Variants in PDE4D observed in about 807,000 individuals in gnomAD.
PDE4D encodes the protein phosphodiesterase 4D.
Under a neutral mutation model 87.4 loss-of-function variants are expected in PDE4D, and 24 were observed. The observed-to-expected ratio is 0.27, with a 90% CI of 0.20 to 0.39. The LOEUF (loss-of-function observed/expected upper bound fraction) is 0.39. PDE4D is among the 10% of genes least tolerant of loss of function. PDE4D has a pLI of 1.00. For missense variants in PDE4D, 714 were observed against 1,041.0 expected (o/e 0.69, Z 4.32); for synonymous variants, 384 against 383.2 (o/e 1.00, Z -0.02).
chr5:59,893,706 T>TGCCGCC lies in PDE4D; in HGVS notation c.-90_-85dup, dbSNP rs1412781542. 2.0e-5 allele frequency: 28 copies of TGCCGCC among 1,370,754 alleles called. No individual in the cohort carries two copies. Among genetic ancestry groups the TGCCGCC allele is most frequent in the Admixed American group, 2.0e-4 (5 of 24,940 alleles). 84.9% of individuals were successfully genotyped at this position (1,370,754 alleles called of 1,614,324 possible). A position where few individuals can be genotyped will look rare whatever the true frequency, so the allele number is the denominator to read the frequency against. On this transcript the variant is annotated 5_prime_UTR_variant, in exon 1 of 15. Coordinates refer to ENST00000340635, the MANE Select transcript of PDE4D (RefSeq NM_001104631.2). ...GCCTTCCTGATGCTGCTGCTGCTGC[T>TGCCGCC]GCCGCCGCCGCCGCTTCTGCAGCCC...
At chr5:59,244,680 C>CTGTGTGTGTGTGTGTG (rs369829189) in intron 1 of PDE4D, among the ~76,000 whole-genome samples, 3 of 120,054 alleles carry the variant, frequency 2.5e-5, no homozygotes, top group African/African-American at 9.9e-5. Flanking sequence ...GTGTGTGTGT[C>CTGTGTGTGTGTGTGTG]TGTGTGTGTG....
chr5:60,479,802 C>T (rs1041642432), intron 1 of PDE4D, among the ~76,000 whole-genome samples: 2 of 152,180 alleles, frequency 1.3e-5, no homozygotes, highest in African/African-American at 4.8e-5. Context: ...CCAACCCTTG[C>T]TCTAAAACAT....
At chr5:59,462,937 T>C (rs570803215) in intron 1 of PDE4D, among the ~76,000 whole-genome samples, 2 of 152,268 alleles carry the variant, frequency 1.3e-5, no homozygotes, top group Admixed American at 1.3e-4. Flanking sequence ...TTTTCTTTTA[T>C]CATTAAGTAT....
chr5:59,713,746 C>T lies in PDE4D; in HGVS notation c.455+179422G>A, dbSNP rs1320969842. ...GCAGTAGATGGGTACCCCACGAGCA[C>T]GGAGAAAGCACTGAAGCAGCTGGAA... On this transcript the variant is annotated intron_variant, in intron 1 of 14. Coordinates refer to ENST00000340635, the MANE Select transcript of PDE4D (RefSeq NM_001104631.2). Among the ~76,000 whole-genome samples the T allele has an allele frequency of 4.6e-5, 7 of 152,182 alleles. No homozygotes were observed. In the East Asian group the frequency reaches 1.2e-3, roughly 25 times the overall value.
chr5:59,433,759 T>C (rs1186940935), intron 1 of PDE4D, among the ~76,000 whole-genome samples: 1 of 151,986 alleles, frequency 6.6e-6, no homozygotes, highest in East Asian at 1.9e-4. Flanking sequence ...GATTCTATGC[T>C]CTTGAGAACA....
rs56356290 is a variant in PDE4D at position 59,075,500 on chromosome 5, CA to C, written c.809-36530del. Among the ~76,000 whole-genome samples, 34 of 149,144 alleles carry C rather than the reference CA, an allele frequency of 2.3e-4. 2 individuals carry two copies. In the East Asian group the frequency reaches 6.1e-3, roughly 27 times the overall value. On this transcript the variant is annotated intron_variant, in intron 5 of 14. Transcript: ENST00000340635. Reference sequence around the variant, plus strand: ...AAATCATTGGTATGCACATTTGTTGCAAAAAAAAACCTCATTCTGGAAAATG... The same window carrying C: ...AAATCATTGGTATGCACATTTGTTGCAAAAAAAACCTCATTCTGGAAAATG...
chr5:59,058,340 G>T (rs1762642933), intron 5 of PDE4D, among the ~76,000 whole-genome samples: 1 of 152,108 alleles, frequency 6.6e-6, no homozygotes, highest in Non-Finnish European at 1.5e-5. Context: ...CTAAGAGAGT[G>T]ACTGTTCTCC....
At chr5:59,157,184 TAGAA>T in intron 5 of PDE4D, 1 of 613,042 alleles carries the variant, frequency 1.6e-6, no homozygotes, top group Non-Finnish European at 2.9e-6. Flanking sequence ...TCTGAAGGGT[TAGAA>T]TTTCCACCAG....
chr5:60,204,463 A>G (rs942214067), intron 1 of PDE4D, among the ~76,000 whole-genome samples: 2 of 151,540 alleles, frequency 1.3e-5, no homozygotes, highest in East Asian at 3.9e-4. Flanking sequence ...AAGCAAGCAG[A>G]TATTTGTTGA....
rs147807461 is a variant in PDE4D, at chr5:59,080,277, C to T, written c.809-41306G>A. ...TTGAAACACAAATAAGTGTGATGAACGTGACCCTGGCACTCTGTAGCCCTC... is the reference window on the plus strand; with the variant it reads ...TTGAAACACAAATAAGTGTGATGAATGTGACCCTGGCACTCTGTAGCCCTC... On this transcript the variant is annotated intron_variant, in intron 5 of 14. Coordinates refer to ENST00000340635, the MANE Select transcript of PDE4D (RefSeq NM_001104631.2). 1.4e-3 allele frequency among the ~76,000 whole-genome samples: 207 copies of T among 152,290 alleles called. 2 individuals carry two copies. The highest frequency in any genetic ancestry group is 0.012 in the Admixed American group (179 of 15,294).
chr5:60,341,380 C>A (rs1042371822), intron 1 of PDE4D, among the ~76,000 whole-genome samples: 1 of 152,136 alleles, frequency 6.6e-6, no homozygotes, highest in African/African-American at 2.4e-5. Flanking sequence ...TGTGACCATG[C>A]CCTTTCACAG....
chr5:60,116,175 A>G (rs1018220135), intron 2 of PDE4D, among the ~76,000 whole-genome samples: 2 of 152,016 alleles, frequency 1.3e-5, no homozygotes, highest in Admixed American at 1.3e-4. Flanking sequence ...CAAACGATGG[A>G]TTATAGTGAG....
intron 1 of PDE4D, among the ~76,000 whole-genome samples, chr5:60,206,760 T>C (rs745798464): frequency 1.3e-5 from 2 of 152,226 alleles, no homozygotes; most frequent in Non-Finnish European, 2.9e-5. Flanking sequence ...CTATACAGGA[T>C]GAAAAGCCAA....
intron 2 of PDE4D, among the ~76,000 whole-genome samples, chr5:59,202,840 C>T (rs1324006309): frequency 6.6e-6 from 1 of 152,184 alleles, no homozygotes; most frequent in Middle Eastern, 3.2e-3. Flanking sequence ...CCAGTTAAAC[C>T]TCTTCCTTTT....
intron 1 of PDE4D, among the ~76,000 whole-genome samples, chr5:59,254,674 T>C (rs1343405686): frequency 6.6e-6 from 1 of 152,136 alleles, no homozygotes; most frequent in East Asian, 1.9e-4. Context: ...AAATTTTCAA[T>C]TGAAAAATTA....
intron 1 of PDE4D, among the ~76,000 whole-genome samples, chr5:60,269,217 G>A (rs1313919709): frequency 6.6e-6 from 1 of 152,200 alleles, no homozygotes; most frequent in East Asian, 1.9e-4. Context: ...CGAGGTAGGA[G>A]AATCGCTTGA....
chr5:59,654,347 A>T (rs1171210115), intron 1 of PDE4D, among the ~76,000 whole-genome samples: 2 of 152,190 alleles, frequency 1.3e-5, no homozygotes, highest in Non-Finnish European at 2.9e-5. Flanking sequence ...TATACAAAAG[A>T]GTTGAGAGTT....
At chr5:60,326,147 T>C (rs1183054209) in intron 1 of PDE4D, among the ~76,000 whole-genome samples, 2 of 152,134 alleles carry the variant, frequency 1.3e-5, no homozygotes, top group East Asian at 3.8e-4. Flanking sequence ...GGTTTTTCTG[T>C]GAACACAGAA....
intron 1 of PDE4D, among the ~76,000 whole-genome samples, chr5:59,851,430 T>G (rs1744646010): frequency 6.6e-6 from 1 of 152,164 alleles, no homozygotes; most frequent in Non-Finnish European, 1.5e-5. Flanking sequence ...TAACAGAGAT[T>G]GATCTTATTT....
Sources: gnomAD v4.1 joint callset for allele counts (sites outside exome capture counted in the v4.1 genomes callset) on GRCh38, gnomAD v4.1.1 for gene constraint, MANE v1.5 for transcripts, NCBI Gene and HGNC (gene_info 2026-07-23, HGNC 2026-07-21) for gene names.